The following SLC23A2 variants were observed in gnomAD, a reference collection of about 807,000 sequenced individuals.
SLC23A2 encodes solute carrier family 23 member 2.
SLC23A2 carries 36 observed loss-of-function variants against 73.3 expected under a neutral mutation model. That is an observed-to-expected ratio of 0.49 (90% confidence interval 0.38 to 0.65). The LOEUF is 0.65. Among genes scored for constraint, SLC23A2 ranks in the 30% least tolerant of loss-of-function variants. The pLI, the probability that SLC23A2 is intolerant of heterozygous loss-of-function variation, is 0.00. For missense variants in SLC23A2, 507 were observed against 841.6 expected (o/e 0.60, Z 4.92); for synonymous variants, 343 against 327.3 (o/e 1.05, Z -0.52).
intron 10 of SLC23A2, among the ~76,000 whole-genome samples, chr20:4,874,305 G>T (rs1930570603): frequency 6.6e-6 from 1 of 152,196 alleles, no homozygotes; most frequent in African/African-American, 2.4e-5. Flanking sequence ...AACAAGAATG[G>T]ACATCGTGCC....
rs6053001 is a variant in SLC23A2 at position 4,970,812 on chromosome 20, C to T, written c.-174G>A. The T allele has an allele frequency of 1.6e-4, 24 of 152,330 alleles. No individual in the cohort carries two copies. Among genetic ancestry groups the T allele is most frequent in the African/African-American group, 5.8e-4 (24 of 41,570 alleles). 9.4% of individuals were successfully genotyped at this position (152,330 alleles called of 1,614,324 possible). ...ACGCACCTAAGTGATGTGGCGTAGA[C>T]CTGTCCATATGCTTTCCATTACAAT... On this transcript the variant is annotated 5_prime_UTR_variant, in exon 2 of 17. Transcript: ENST00000338244.
At chr20:4,903,819 T>G (rs1396792091) in intron 4 of SLC23A2, among the ~76,000 whole-genome samples, 1 of 152,206 alleles carries the variant, frequency 6.6e-6, no homozygotes, top group Non-Finnish European at 1.5e-5. Flanking sequence ...CTTTAAAAAC[T>G]TGTTGGGAGA....
intron 6 of SLC23A2, among the ~76,000 whole-genome samples, chr20:4,893,140 G>A (rs1931393503): frequency 6.6e-6 from 1 of 151,618 alleles, no homozygotes; most frequent in Non-Finnish European, 1.5e-5. Flanking sequence ...TCATGGCTCA[G>A]TGAAGCCTCA....
At chr20:4,965,983 A>AAAG (rs2087468458) in intron 2 of SLC23A2, among the ~76,000 whole-genome samples, 1 of 151,022 alleles carries the variant, frequency 6.6e-6, no homozygotes, top group Admixed American at 6.6e-5. Context: ...AAAAAAAAAA[A>AAAG]GGGAAGATCA....
intron 1 of SLC23A2, among the ~76,000 whole-genome samples, chr20:4,986,309 AAAC>A (rs1284615288): frequency 1.3e-5 from 2 of 152,070 alleles, no homozygotes; most frequent in African/African-American, 4.8e-5. Flanking sequence ...CAAAAAGAAA[AAAC>A]AAAGGTTATG....
rs1030730436 is a variant in SLC23A2, at chr20:4,998,751, A to T, written c.-282+2655T>A. Among the ~76,000 whole-genome samples the T allele has an allele frequency of 6.6e-6, 1 of 152,130 alleles. No homozygotes were observed. The highest frequency in any genetic ancestry group is 1.5e-5 in the Non-Finnish European group (1 of 68,032). On this transcript the variant is annotated intron_variant, in intron 1 of 16. Coordinates refer to ENST00000338244, the MANE Select transcript of SLC23A2 (RefSeq NM_005116.6). This position sits in a 1 kb window ranked among gnomAD's most constrained non-coding sequence, Gnocchi z 4.1. ...ATTAAATATAAATACGTTTTTAAAA[A>T]GCTTCAATTTACATGTACAAAGCAC...
intron 3 of SLC23A2, among the ~76,000 whole-genome samples, chr20:4,921,329 T>C (rs1440851400): frequency 6.6e-6 from 1 of 152,190 alleles, no homozygotes; most frequent in East Asian, 1.9e-4. Flanking sequence ...CAGTGGCTCA[T>C]GCCTGTAATC....
intron 9 of SLC23A2, among the ~76,000 whole-genome samples, chr20:4,875,172 G>A (rs1288224433): frequency 2.6e-5 from 4 of 152,200 alleles, no homozygotes; most frequent in Non-Finnish European, 5.9e-5. Context: ...TTCGCTTTGA[G>A]TAGTTACATG....
chr20:4,866,867 G>C (rs1338411668), intron 13 of SLC23A2, among the ~76,000 whole-genome samples: 1 of 152,044 alleles, frequency 6.6e-6, no homozygotes, highest in Admixed American at 6.5e-5. Context: ...CTCAGTGAGG[G>C]AGACCTGTGA....
intron 2 of SLC23A2, among the ~76,000 whole-genome samples, chr20:4,941,810 G>GA (rs904765924): frequency 2.6e-5 from 4 of 152,026 alleles, no homozygotes; most frequent in East Asian, 1.9e-4. Flanking sequence ...AGTTTTGAGT[G>GA]AAAAAAGTTA....
At chr20:4,970,011 G>A (rs947807937) in intron 2 of SLC23A2, among the ~76,000 whole-genome samples, 4 of 152,112 alleles carry the variant, frequency 2.6e-5, no homozygotes, top group African/African-American at 9.7e-5. Context: ...CCTGAGTAAT[G>A]TACATGTGGT....
chr20:4,941,974 T>C (rs1185107818), intron 2 of SLC23A2, among the ~76,000 whole-genome samples: 1 of 152,106 alleles, frequency 6.6e-6, no homozygotes, highest in East Asian at 1.9e-4. Flanking sequence ...AAATGACTTA[T>C]TTTCCTGTTT....
At chr20:4,867,647 AAGG>A (rs1930258561) in intron 13 of SLC23A2, 120 bp downstream of exon 13, 3 of 488,424 alleles carry the variant, frequency 6.1e-6, no homozygotes, top group Admixed American at 7.7e-5. Flanking sequence ...AAAAAAAAAA[AAGG>A]AGAGAAGTAA....
chr20:4,910,484 G>A (rs1211175640), intron 4 of SLC23A2, among the ~76,000 whole-genome samples: 2 of 152,060 alleles, frequency 1.3e-5, no homozygotes, highest in East Asian at 1.9e-4. Flanking sequence ...AGGCTGGAGG[G>A]CAGTGGTGCC....
At chr20:4,903,437 C>G (rs1373567503) in intron 4 of SLC23A2, among the ~76,000 whole-genome samples, 2 of 152,190 alleles carry the variant, frequency 1.3e-5, no homozygotes, top group African/African-American at 4.8e-5. Context: ...CTTGGAATTT[C>G]TACAATCATT....
At chr20:4,982,568 A>G (rs1264930447) in intron 1 of SLC23A2, among the ~76,000 whole-genome samples, 1 of 152,184 alleles carries the variant, frequency 6.6e-6, no homozygotes, top group African/African-American at 2.4e-5. Flanking sequence ...ACAATCTTGA[A>G]AAACAACAAA....
chr20:4,938,465 A>C (rs2086995144), intron 2 of SLC23A2, among the ~76,000 whole-genome samples: 1 of 151,280 alleles, frequency 6.6e-6, no homozygotes, highest in South Asian at 2.1e-4. Context: ...CAGCGTCTCG[A>C]GTAGCTGGGA....
chr20:5,007,451 A>G (rs1260134103), intron 1 of SLC23A2, among the ~76,000 whole-genome samples: 3 of 152,156 alleles, frequency 2.0e-5, no homozygotes, highest in East Asian at 1.9e-4. Context: ...AAATCACTTG[A>G]ACCTGGGAGG....
chr20:4,917,017 GAA>G (rs35772595), intron 3 of SLC23A2, among the ~76,000 whole-genome samples: 1 of 152,200 alleles, frequency 6.6e-6, no homozygotes, highest in African/African-American at 2.4e-5. Flanking sequence ...CCTAAGCCTA[GAA>G]AAAAAGCTCA....
Sources: gnomAD v4.1 joint callset for allele counts (sites outside exome capture counted in the v4.1 genomes callset) on GRCh38, gnomAD v4.1.1 for gene constraint, Gnocchi (gnomAD v3.1) non-coding constraint, MANE v1.5 for transcripts, NCBI Gene and HGNC (gene_info 2026-07-23, HGNC 2026-07-21) for gene names.